The following PRRX1 variants were observed in gnomAD, a reference collection of about 807,000 sequenced individuals.
The protein encoded by PRRX1 is paired related homeobox 1.
Under a neutral mutation model 24.0 loss-of-function variants are expected in PRRX1, and 8 were observed. The ratio of observed to expected loss-of-function variants is 0.33; its 90% CI spans 0.20 to 0.60. The LOEUF (loss-of-function observed/expected upper bound fraction) is 0.60. PRRX1 is among the 20% of genes least tolerant of loss of function. The pLI, the probability that PRRX1 is intolerant of heterozygous loss-of-function variation, is 0.82. For missense variants in PRRX1, 281 were observed against 322.4 expected (o/e 0.87, Z 0.98); for synonymous variants, 160 against 131.7 (o/e 1.22, Z -1.47).
intron 3 of PRRX1, 95 bp from the exon 4 acceptor site, chr1:170,735,953 C>T: frequency 6.5e-7 from 1 of 1,540,392 alleles, no homozygotes; most frequent in Non-Finnish European, 9.0e-7. Flanking sequence ...CCCTGCCTGC[C>T]CCCATGCTGA....
At chr1:170,692,328 T>TG (rs1469333823) in intron 1 of PRRX1, among the ~76,000 whole-genome samples, 3 of 152,122 alleles carry the variant, frequency 2.0e-5, no homozygotes, top group Non-Finnish European at 2.9e-5. Context: ...ATTAAATTCT[T>TG]AATTTGAAGG....
chr1:170,665,259 C>T (rs766992827), intron 1 of PRRX1, among the ~76,000 whole-genome samples: 11 of 152,348 alleles, frequency 7.2e-5, no homozygotes, highest in Non-Finnish European at 1.6e-4. Context: ...GAGGAGCTCT[C>T]CCTATTGGCT....
intron 3 of PRRX1, among the ~76,000 whole-genome samples, chr1:170,731,159 T>C (rs1365139083): frequency 6.6e-6 from 1 of 152,234 alleles, no homozygotes; most frequent in Non-Finnish European, 1.5e-5. Context: ...GATCTCTTTT[T>C]AAAAGTAAAT....
chr1:170,705,545 A>G (rs1654529541), intron 1 of PRRX1, among the ~76,000 whole-genome samples: 1 of 152,152 alleles, frequency 6.6e-6, no homozygotes, highest in African/African-American at 2.4e-5. Flanking sequence ...GGCATCCCAA[A>G]GTGCTGGAAT....
chr1:170,691,490 C>CCTTTCCTTT, intron 1 of PRRX1, among the ~76,000 whole-genome samples: 3 of 142,280 alleles, frequency 2.1e-5, no homozygotes, highest in African/African-American at 7.7e-5. Context: ...CCTTTCCTTT[C>CCTTTCCTTT]CTTTCCTTTC....
chr1:170,680,761 T>C (rs1653478456), intron 1 of PRRX1, among the ~76,000 whole-genome samples: 1 of 152,156 alleles, frequency 6.6e-6, no homozygotes, highest in African/African-American at 2.4e-5. Flanking sequence ...TCTCAATGAG[T>C]TTTCCTTTTG....
chr1:170,696,143 G>A (rs1318643383), intron 1 of PRRX1, among the ~76,000 whole-genome samples: 1 of 152,138 alleles, frequency 6.6e-6, no homozygotes, highest in East Asian at 1.9e-4. Flanking sequence ...CAGGAGCAAA[G>A]GAGAGAGTGA....
chr1:170,709,609 C>T (rs1654680969), intron 1 of PRRX1, among the ~76,000 whole-genome samples: 2 of 152,018 alleles, frequency 1.3e-5, no homozygotes, highest in African/African-American at 2.4e-5. Flanking sequence ...CTTTACTTGT[C>T]AAGTGCTTTT....
intron 2 of PRRX1, 42 bp from the exon 3 acceptor site, chr1:170,726,178 C>G: frequency 6.3e-7 from 1 of 1,576,092 alleles, no homozygotes; most frequent in Non-Finnish European, 8.7e-7. Context: ...TTTGTTTTTC[C>G]TCTCTTTCCT....
At chr1:170,718,109 G>A (rs915787670) in intron 1 of PRRX1, among the ~76,000 whole-genome samples, 1 of 152,166 alleles carries the variant, frequency 6.6e-6, no homozygotes, top group Non-Finnish European at 1.5e-5. Flanking sequence ...GGAGGAATCT[G>A]GTTGAGATCA....
Position 170,685,582 on chromosome 1 carries a change from C to T in PRRX1, c.241+21123C>T, listed in dbSNP as rs568925429. ...TCAGAAAATCTAGATTTCAATCCTG[C>T]CTCTATTTCTGCCACTCTTGGCTTG... On this transcript the variant is annotated intron_variant, in intron 1 of 3. Transcript: ENST00000239461. 2.0e-5 allele frequency among the ~76,000 whole-genome samples: 3 copies of T among 152,278 alleles called. No individual in the cohort carries two copies. In the South Asian group the frequency reaches 6.2e-4, roughly 32 times the overall value.
intron 1 of PRRX1, among the ~76,000 whole-genome samples, chr1:170,691,057 C>T (rs1348743990): frequency 1.3e-5 from 2 of 152,018 alleles, no homozygotes; most frequent in Non-Finnish European, 2.9e-5. Context: ...ATGGATAATA[C>T]ACTAATTTGT....
chr1:170,722,381 T>A (rs1558061167), intron 2 of PRRX1, among the ~76,000 whole-genome samples: 1 of 152,226 alleles, frequency 6.6e-6, no homozygotes, highest in Non-Finnish European at 1.5e-5. Flanking sequence ...TTTTCCTCTT[T>A]TTTTCCTCAT....
rs768437814 is a variant in PRRX1, at chr1:170,736,189, A to G, written c.*3A>G. ...ACCAGGTGCCAACAGTCAACTGAGGAAAAAAAATAATTAAACAGGCCTAAG... is the reference window on the plus strand; with the variant it reads ...ACCAGGTGCCAACAGTCAACTGAGGGAAAAAAATAATTAAACAGGCCTAAG... On this transcript the variant is annotated 3_prime_UTR_variant, in exon 4 of 4. Transcript: ENST00000239461. 4.3e-6 allele frequency: 7 copies of G among 1,613,324 alleles called. No individual in the cohort carries two copies. The highest frequency in any genetic ancestry group is 5.9e-6 in the Non-Finnish European group (7 of 1,179,494).
At chr1:170,677,457 A>ATTAT (rs1653362458) in intron 1 of PRRX1, among the ~76,000 whole-genome samples, 1 of 152,228 alleles carries the variant, frequency 6.6e-6, no homozygotes, top group Non-Finnish European at 1.5e-5. Context: ...TTTTGCTTAC[A>ATTAT]TTATTTCCAC....
At chr1:170,699,711 C>T (rs1018010025) in intron 1 of PRRX1, among the ~76,000 whole-genome samples, 12 of 151,982 alleles carry the variant, frequency 7.9e-5, no homozygotes, top group African/African-American at 2.9e-4. Flanking sequence ...AAAAGTGCAC[C>T]GAGAAATACC....
At chr1:170,664,084 C>CTTCCCTCTCTCTCTCTCTCTCT (rs1553250928), upstream of PRRX1, 1 of 710,784 alleles carries the variant, frequency 1.4e-6, no homozygotes, top group Non-Finnish European at 2.0e-6. Flanking sequence ...CCTCCCTCTT[C>CTTCCCTCTCTCTCTCTCTCTCT]CTCCCTCTCT....
rs1285016154 is a variant in PRRX1 at position 170,738,882 on chromosome 1, G to A, written c.*2696G>A. ...GCAAGCAATGTCTGGGAATATCATA[G>A]AGTAACAAGTGCTGGTCAGCCAAAG... On this transcript the variant is annotated 3_prime_UTR_variant, in exon 4 of 4. Transcript: ENST00000239461. 1 of 229,542 alleles carries A rather than the reference G, an allele frequency of 4.4e-6. No individual in the cohort carries two copies. Among genetic ancestry groups the A allele is most frequent in the Non-Finnish European group, 8.6e-6 (1 of 115,804 alleles). The allele number at this position is 229,542 out of a possible 1,614,324, so 14.2% of individuals were successfully genotyped here.
At chr1:170,727,461 T>G (rs1282421214) in intron 3 of PRRX1, 1 of 152,226 alleles carries the variant, frequency 6.6e-6, no homozygotes, top group Non-Finnish European at 1.5e-5. Context: ...ACCTTTTTAT[T>G]GTCAAGGTTA....
Sources: allele counts gnomAD v4.1 joint callset (sites outside exome capture counted in the v4.1 genomes callset), GRCh38; gene constraint gnomAD v4.1.1; transcripts MANE v1.5; gene names NCBI Gene and HGNC (gene_info 2026-07-23, HGNC 2026-07-21).